CST5: variants seen among roughly 807,000 people sequenced by gnomAD.
CST5 encodes the protein cystatin D.
In CST5, 13 loss-of-function variants were observed where a neutral mutation model predicts 11.5. The ratio of observed to expected loss-of-function variants is 1.13; its 90% CI spans 0.73 to 1.79. The LOEUF is 1.79. Ranked by LOEUF, CST5 falls within the 40% of genes most tolerant of loss-of-function variation. CST5 has a pLI of 0.00. For missense variants in CST5, 219 were observed against 174.5 expected (o/e 1.25, Z -1.44); for synonymous variants, 81 against 67.6 (o/e 1.20, Z -0.97).
At chr20:23,879,266 G>T (rs542597745) in intron 1 of CST5, among the ~76,000 whole-genome samples, 180 bp downstream of exon 1, 186 of 152,292 alleles carry the variant, frequency 1.2e-3, no homozygotes, top group Non-Finnish European at 2.1e-3. Flanking sequence ...ACAGGACAGG[G>T]CTGAACTCAT....
chr20:23,876,116 C>G lies in CST5; in HGVS notation c.*72G>C, dbSNP rs184494847. The stretch of plus-strand genomic sequence containing the variant: ...AGACCTCCCCCAGGGTGGGGGCCAC[C>G]AGTCCAGGGGTGGGAGCACTACAGG... On this transcript the variant is annotated 3_prime_UTR_variant, in exon 3 of 3. Coordinates refer to ENST00000304710, the MANE Select transcript of CST5 (RefSeq NM_001900.5). The G allele has an allele frequency of 7.9e-7, 1 of 1,268,200 alleles. No homozygotes were observed. Among genetic ancestry groups the G allele is most frequent in the Non-Finnish European group, 1.1e-6 (1 of 884,564 alleles). The allele number at this position is 1,268,200 out of a possible 1,614,324, so 78.6% of individuals were successfully genotyped here.
intron 2 of CST5, 71 bp from the exon 3 acceptor site, chr20:23,876,342 C>T: frequency 8.1e-7 from 1 of 1,240,010 alleles, no homozygotes; most frequent in Admixed American, 1.7e-5. Flanking sequence ...AGGAATGGGA[C>T]ATCAGAATGG....
At position 23,876,167 on chromosome 20, in the gene CST5, T is replaced by C. The variant is rs764156112; in HGVS notation, c.*21A>G. Reference sequence around the variant, plus strand: ...GGGTGGGAGTAGGAGGTGGTCAGTGTGACAGGCCTTGCACAGACCCCTAGA... The same window carrying C: ...GGGTGGGAGTAGGAGGTGGTCAGTGCGACAGGCCTTGCACAGACCCCTAGA... On this transcript the variant is annotated 3_prime_UTR_variant, in exon 3 of 3. Coordinates refer to ENST00000304710, the MANE Select transcript of CST5 (RefSeq NM_001900.5). 5.0e-6 allele frequency: 8 copies of C among 1,597,026 alleles called. No homozygotes were observed. In the Admixed American group the frequency reaches 1.2e-4, roughly 23 times the overall value.
chr20:23,879,462 A>G lies in CST5; in HGVS notation c.215T>C (p.Met72Thr), dbSNP rs769748402. The change falls in exon 1 of 3, where the codon ATG becomes ACG. Residue 72 changes from methionine to threonine, a missense_variant. By Grantham distance (81) the Met-to-Thr change is moderately conservative. Coordinates refer to ENST00000304710, the MANE Select transcript of CST5 (RefSeq NM_001900.5). ...DEYYSRPLQV[M>T]AAYQQIVGGV... ...AGCACGCACCTGCTGGTAGGCAGCC[A>G]TCACCTGCAGAGGGCGGCTGTAGTA... 7 of 1,613,758 alleles carry G rather than the reference A, an allele frequency of 4.3e-6. No homozygotes were observed. Among genetic ancestry groups the G allele is most frequent in the Admixed American group, 1.7e-5 (1 of 60,010 alleles).
chr20:23,877,961 G>C (rs1354741299), intron 1 of CST5, among the ~76,000 whole-genome samples: 1 of 152,214 alleles, frequency 6.6e-6, no homozygotes. Context: ...GTGGGACAAA[G>C]AAACAGTCCT....
At chr20:23,876,331 C>A in intron 2 of CST5, 60 bp from the exon 3 acceptor site, 1 of 1,353,342 alleles carries the variant, frequency 7.4e-7, no homozygotes, top group Non-Finnish European at 1.1e-6. Flanking sequence ...CAAAGATGCC[C>A]AGGAATGGGA....
chr20:23,876,205 TG>T lies in CST5; in HGVS notation c.411del (p.Tyr137Ter), dbSNP rs771219227. The T allele has an allele frequency of 2.5e-6, 4 of 1,613,674 alleles. No individual in the cohort carries two copies. The South Asian group carries it at 4.4e-5, about 18-fold the overall frequency. ...PWEDKISILNYKCRKV is the reference protein window; with the variant it reads ...PWEDKISILNXKCRKV Reference sequence around the variant, plus strand: ...ACAGACCCCTAGACTTTCCGGCACTTGTAGTTCAGAATGGAAATTTTATCCT... The same window carrying T: ...ACAGACCCCTAGACTTTCCGGCACTTTAGTTCAGAATGGAAATTTTATCCT... On this transcript the variant is annotated frameshift_variant, in exon 3 of 3. Transcript: ENST00000304710. LOFTEE classifies it high-confidence loss of function.
chr20:23,876,306 G>T (rs745986649), intron 2 of CST5, 35 bp from the exon 3 acceptor site: 1 of 1,554,278 alleles, frequency 6.4e-7, no homozygotes. Context: ...AATGACTGTG[G>T]GTTACAGTTA....
Position 23,877,679 on chromosome 20 carries a change from G to A in CST5, c.232-61C>T, listed in dbSNP as rs1378158666. On this transcript the variant is annotated intron_variant, in intron 1 of 2. Coordinates refer to ENST00000304710, the MANE Select transcript of CST5 (RefSeq NM_001900.5). ...TGCTGTCAGTTTCATGCACACGCAG[G>A]CACTTCACTGTGACTGAGTCACTGG... The A allele has an allele frequency of 2.2e-6, 3 of 1,353,534 alleles. No homozygotes were observed. The African/African-American group carries it at 4.3e-5, about 19-fold the overall frequency. The allele number at this position is 1,353,534 out of a possible 1,614,324, so 83.8% of individuals were successfully genotyped here. A position where few individuals can be genotyped will look rare whatever the true frequency, so the allele number is the denominator to read the frequency against.
At position 23,876,400 on chromosome 20, in the gene CST5, C is replaced by G. The variant is rs1985961911; in HGVS notation, c.346-129G>C. 5 of 679,660 alleles carry G rather than the reference C, an allele frequency of 7.4e-6. No homozygotes were observed. The Admixed American group carries it at 1.2e-4, about 16-fold the overall frequency. The allele number at this position is 679,660 out of a possible 1,614,324, so 42.1% of individuals were successfully genotyped here. On this transcript the variant is annotated intron_variant, in intron 2 of 2. Transcript: ENST00000304710. ...GACACTGCCCCCTGACCCCAACCTA[C>G]CCCTGCCGAGTTCCAGGGCACTGAG...
At chr20:23,878,321 T>C (rs1284496176) in intron 1 of CST5, among the ~76,000 whole-genome samples, 1 of 152,180 alleles carries the variant, frequency 6.6e-6, no homozygotes, top group African/African-American at 2.4e-5. Context: ...CACACCTGCA[T>C]GTCTTAGGGT....
chr20:23,877,347 A>T (rs753845087), intron 2 of CST5, among the ~76,000 whole-genome samples, 158 bp downstream of exon 2: 2 of 152,132 alleles, frequency 1.3e-5, no homozygotes, highest in Non-Finnish European at 2.9e-5. Context: ...ACATGAATAC[A>T]TCCTTGCATA....
intron 1 of CST5, 86 bp from the exon 2 acceptor site, chr20:23,877,704 G>A: frequency 9.1e-7 from 1 of 1,098,598 alleles, no homozygotes; most frequent in Non-Finnish European, 1.3e-6. Context: ...TGAGTCACTG[G>A]GCTTGCCTGG....
rs200826094 is a variant in CST5 at position 23,879,440 on chromosome 20, A to G, written c.231+6T>C. ...TCAGGACCCCCAGGGTGGTGGTAGC[A>G]CGCACCTGCTGGTAGGCAGCCATCA... is the stretch of plus-strand genomic sequence containing the variant. On this transcript the variant is annotated splice_donor_region_variant and intron_variant, in intron 1 of 2. Transcript: ENST00000304710. The G allele has an allele frequency of 1.2e-6, 2 of 1,611,710 alleles. No homozygotes were observed. The highest frequency in any genetic ancestry group is 1.7e-6 in the Non-Finnish European group (2 of 1,178,240).
At chr20:23,876,438 G>C (rs1181794729) in intron 2 of CST5, among the ~76,000 whole-genome samples, 167 bp from the exon 3 acceptor site, 1 of 152,220 alleles carries the variant, frequency 6.6e-6, no homozygotes, top group Non-Finnish European at 1.5e-5. Flanking sequence ...CAACTGGGCA[G>C]TGACTGTTCC....
intron 1 of CST5, among the ~76,000 whole-genome samples, chr20:23,878,015 T>C (rs1008332624): frequency 1.3e-5 from 2 of 152,136 alleles, no homozygotes; most frequent in Non-Finnish European, 2.9e-5. Flanking sequence ...AAGTGAATGC[T>C]CTTTCCCACA....
rs763080442 is a variant in CST5, at chr20:23,879,557, A to G, written c.120T>C (p.Asn40=). Residue 40 remains asparagine (N), a synonymous_variant, in exon 1 of 3, where the codon AAT becomes AAC. Coordinates refer to ENST00000304710, the MANE Select transcript of CST5 (RefSeq NM_001900.5). ...CCAGGGCACACTGCACACTCTTGTC[A>G]TTGAGGTCTGTGGCATGGATGCCAC... is the stretch of plus-strand genomic sequence containing the variant. ...LAGGIHATDL[N]DKSVQCALDF... 3 of 1,614,080 alleles carry G rather than the reference A, an allele frequency of 1.9e-6. 1 individual carries two copies. The highest frequency in any genetic ancestry group is 3.3e-5 in the Admixed American group (2 of 60,028).
chr20:23,876,421 C>T lies in CST5; in HGVS notation c.346-150G>A, dbSNP rs375014815. ...CCTACCCCTGCCGAGTTCCAGGGCA[C>T]TGAGCCCAACTGGGCAGTGACTGTT... On this transcript the variant is annotated intron_variant, in intron 2 of 2. Coordinates refer to ENST00000304710, the MANE Select transcript of CST5 (RefSeq NM_001900.5). 10 of 602,294 alleles carry T rather than the reference C, an allele frequency of 1.7e-5. No homozygotes were observed. The South Asian group carries it at 1.9e-4, about 11-fold the overall frequency. 37.3% of individuals were successfully genotyped at this position (602,294 alleles called of 1,614,324 possible). A position where few individuals can be genotyped will look rare whatever the true frequency, so the allele number is the denominator to read the frequency against.
chr20:23,878,206 A>G (rs1412983679), intron 1 of CST5, among the ~76,000 whole-genome samples: 1 of 152,204 alleles, frequency 6.6e-6, no homozygotes, highest in Non-Finnish European at 1.5e-5. Flanking sequence ...TCTCAGTAGG[A>G]GATGAGATGC....
Sources: gnomAD v4.1 joint callset for allele counts (sites outside exome capture counted in the v4.1 genomes callset) on GRCh38, gnomAD v4.1.1 for gene constraint, MANE v1.5 for transcripts, NCBI Gene and HGNC (gene_info 2026-07-23, HGNC 2026-07-21) for gene names.